Variants in WDPCP observed in about 807,000 individuals in gnomAD.
WDPCP encodes the protein WD repeat-containing and planar cell polarity effector protein fritz homolog.
Under a neutral mutation model 93.1 loss-of-function variants are expected in WDPCP, and 71 were observed. The observed-to-expected ratio is 0.76, with a 90% CI of 0.63 to 0.93. The LOEUF (loss-of-function observed/expected upper bound fraction) is 0.93. Among genes scored for constraint, WDPCP ranks in the 40% least tolerant of loss-of-function variants. The pLI, the probability that WDPCP is intolerant of heterozygous loss-of-function variation, is 0.00. For missense variants in WDPCP, 844 were observed against 887.4 expected, an observed-to-expected ratio of 0.95 and a Z score of 0.62; for synonymous variants, 315 against 315.0, an observed-to-expected ratio of 1.00 and a Z score of 0.00.
intron 1 of WDPCP, among the ~76,000 whole-genome samples, chr2:63,565,832 C>G (rs1707000554): frequency 6.6e-6 from 1 of 152,168 alleles, no homozygotes; most frequent in South Asian, 2.1e-4. Context: ...AGTCAAAACT[C>G]TTATCCTTGA....
chr2:63,647,946 C>T (rs1038482027), intron 3 of WDPCP, among the ~76,000 whole-genome samples: 1 of 152,198 alleles, frequency 6.6e-6, no homozygotes, highest in Non-Finnish European at 1.5e-5. Flanking sequence ...ACTTCCTTAG[C>T]TCTGCATACT....
upstream of WDPCP, chr2:63,589,087 G>C (rs764981413): frequency 6.6e-5 from 107 of 1,614,008 alleles, no homozygotes; most frequent in Non-Finnish European, 9.0e-5. Context: ...TCTGGCCCTC[G>C]CGCCCTTGAG....
chr2:63,807,002 G>A (rs1212067972), intron 2 of WDPCP, among the ~76,000 whole-genome samples: 1 of 152,068 alleles, frequency 6.6e-6, no homozygotes, highest in Non-Finnish European at 1.5e-5. Context: ...TTAAAGTAAA[G>A]ACAGGCATAG....
chr2:63,426,890 A>G (rs1696347987), intron 9 of WDPCP, among the ~76,000 whole-genome samples: 1 of 152,224 alleles, frequency 6.6e-6, no homozygotes, highest in South Asian at 2.1e-4. Flanking sequence ...GAAACTATGG[A>G]GAAAGATCTA....
chr2:63,301,775 G>A (rs1685351006), intron 13 of WDPCP, among the ~76,000 whole-genome samples: 1 of 151,112 alleles, frequency 6.6e-6, no homozygotes, highest in Non-Finnish European at 1.5e-5. Context: ...CCAAAAGGAA[G>A]GAGACAAAGG....
At chr2:63,644,606 T>G (rs1710027389) in intron 3 of WDPCP, among the ~76,000 whole-genome samples, 1 of 152,236 alleles carries the variant, frequency 6.6e-6, no homozygotes, top group African/African-American at 2.4e-5. Flanking sequence ...ATGAAATGTT[T>G]GGTAGAATTC....
chr2:63,159,269 T>TG (rs1672488307), intron 15 of WDPCP, among the ~76,000 whole-genome samples: 1 of 152,038 alleles, frequency 6.6e-6, no homozygotes, highest in Admixed American at 6.5e-5. Context: ...TTTGTTGGTT[T>TG]TTTAAAGAGA....
chr2:63,405,586 T>TGTGTGTG (rs1491184912), intron 9 of WDPCP, among the ~76,000 whole-genome samples: 57 of 98,920 alleles, frequency 5.8e-4, no homozygotes, highest in African/African-American at 9.2e-4. Context: ...TGTGTGTGTG[T>TGTGTGTG]TGGCGGGGGT....
intron 1 of WDPCP, among the ~76,000 whole-genome samples, chr2:63,556,424 T>G (rs1432852674): frequency 6.6e-6 from 1 of 152,194 alleles, no homozygotes; most frequent in African/African-American, 2.4e-5. Flanking sequence ...GAAAACATAC[T>G]TCAGGATATA....
intron 13 of WDPCP, among the ~76,000 whole-genome samples, chr2:63,294,434 C>T (rs1413645878): frequency 6.0e-5 from 9 of 149,092 alleles, no homozygotes; most frequent in African/African-American, 9.9e-5. Context: ...CACTTGAACC[C>T]GGGAGGTGGA....
chr2:63,209,562 A>G (rs1676605001), intron 14 of WDPCP, among the ~76,000 whole-genome samples: 1 of 152,176 alleles, frequency 6.6e-6, no homozygotes, highest in African/African-American at 2.4e-5. Context: ...ATCCCTGTCC[A>G]CTTATGTTTT....
At chr2:63,620,635 G>A (rs746179283) in intron 3 of WDPCP, among the ~76,000 whole-genome samples, 1 of 152,240 alleles carries the variant, frequency 6.6e-6, no homozygotes, top group Non-Finnish European at 1.5e-5. Flanking sequence ...CAGCTCTGAA[G>A]AGAGCAGCAG....
At chr2:63,660,650 C>T (rs1710216345) in intron 2 of WDPCP, among the ~76,000 whole-genome samples, 1 of 152,164 alleles carries the variant, frequency 6.6e-6, no homozygotes, top group Admixed American at 6.5e-5. Flanking sequence ...AAAAAAACTA[C>T]AGCTCCTTGA....
rs1231344118 is a variant in WDPCP, at chr2:63,486,530, A to C, written c.253+12T>G. 7 of 1,562,418 alleles carry C rather than the reference A, an allele frequency of 4.5e-6. No homozygotes were observed. The South Asian group carries it at 7.1e-5, about 16-fold the overall frequency. On this transcript the variant is annotated intron_variant, in intron 4 of 17. Coordinates refer to ENST00000272321, the MANE Select transcript of WDPCP (RefSeq NM_015910.7). ...TTTTATAATAATTCCAAAAAATATA[A>C]AGTAAGCTTACACTCTGCCAGCTTC...
intron 3 of WDPCP, among the ~76,000 whole-genome samples, chr2:63,615,502 A>G (rs1288225856): frequency 6.6e-6 from 1 of 152,168 alleles, no homozygotes; most frequent in Non-Finnish European, 1.5e-5. Flanking sequence ...CTCTGTGCAG[A>G]TGGCACACCT....
rs1258631622 is a variant in WDPCP, at chr2:63,486,862, G to C, written c.209-276C>G. The stretch of plus-strand genomic sequence containing the variant: ...GCTTCCAATCTGATCAGATAGGAAA[G>C]AGAACTGCAACAGAGCCCAGAACAG... On this transcript the variant is annotated intron_variant, in intron 3 of 17. Transcript: ENST00000272321. 2.0e-5 allele frequency among the ~76,000 whole-genome samples: 3 copies of C among 151,932 alleles called. No homozygotes were observed. The East Asian group carries it at 5.8e-4, about 29-fold the overall frequency.
At chr2:63,808,404 C>G (rs964923962) in intron 2 of WDPCP, among the ~76,000 whole-genome samples, 1 of 147,276 alleles carries the variant, frequency 6.8e-6, no homozygotes, top group Non-Finnish European at 1.5e-5. Context: ...CGAAGCTGGA[C>G]TGTACTGCTG....
chr2:63,341,089 C>T (rs903011266), intron 12 of WDPCP, among the ~76,000 whole-genome samples: 1 of 152,156 alleles, frequency 6.6e-6, no homozygotes, highest in East Asian at 1.9e-4. Flanking sequence ...TCTACTCTGA[C>T]AGAAACTGTT....
At chr2:63,274,243 A>C (rs920769484) in intron 13 of WDPCP, among the ~76,000 whole-genome samples, 1 of 152,178 alleles carries the variant, frequency 6.6e-6, no homozygotes, top group Non-Finnish European at 1.5e-5. Context: ...ATGTTCCTCA[A>C]TGACCCCTGA....
Sources: gnomAD v4.1 joint callset for allele counts (sites outside exome capture counted in the v4.1 genomes callset) on GRCh38, gnomAD v4.1.1 for gene constraint, MANE v1.5 for transcripts, NCBI Gene and HGNC (gene_info 2026-07-23, HGNC 2026-07-21) for gene names.